The following SLC36A1 variants were observed in gnomAD, a reference collection of about 807,000 sequenced individuals.
SLC36A1 encodes the protein solute carrier family 36 member 1.
Under a neutral mutation model 47.5 loss-of-function variants are expected in SLC36A1, and 30 were observed. That is an observed-to-expected ratio of 0.63 (90% CI 0.47 to 0.86). The LOEUF (loss-of-function observed/expected upper bound fraction) is 0.86, where lower values mean the gene tolerates loss of function less well. SLC36A1 is among the 40% of genes least tolerant of loss of function. SLC36A1 has a pLI of 0.00. For missense variants in SLC36A1, 517 were observed against 606.0 expected (o/e 0.85, Z 1.54); for synonymous variants, 255 against 249.7 (o/e 1.02, Z -0.20).
chr5:151,521,864 G>C, the SLC36A1 span: 1 of 1,614,198 alleles, frequency 6.2e-7, no homozygotes. Context: ...ACTGAGAAGT[G>C]CCTGCCCAGG....
intron 9 of SLC36A1, among the ~76,000 whole-genome samples, chr5:151,478,743 C>T (rs1179065641): frequency 6.6e-6 from 1 of 152,132 alleles, no homozygotes; most frequent in African/African-American, 2.4e-5. Context: ...ACCATATTCC[C>T]AGTTTCTTTT....
the SLC36A1 span, chr5:151,549,607 C>A: frequency 1.2e-6 from 1 of 844,970 alleles, no homozygotes; most frequent in Non-Finnish European, 1.9e-6. Flanking sequence ...AAAATATGCC[C>A]AATTGTAACT....
chr5:151,446,455 A>G (rs1752925197), upstream of SLC36A1, among the ~76,000 whole-genome samples: 1 of 152,130 alleles, frequency 6.6e-6, no homozygotes, highest in Non-Finnish European at 1.5e-5. Context: ...GCTTGAATCC[A>G]GGAGGCAGAG....
At chr5:151,548,487 A>C in the SLC36A1 span, among the ~76,000 whole-genome samples, 44 of 151,962 alleles carry the variant, frequency 2.9e-4, no homozygotes, top group Non-Finnish European at 1.5e-5. Context: ...ATTAACATAC[A>C]TTTTCTTTTT....
At chr5:151,373,975 G>T in the SLC36A1 span, among the ~76,000 whole-genome samples, 1 of 152,134 alleles carries the variant, frequency 6.6e-6, no homozygotes, top group East Asian at 1.9e-4. Flanking sequence ...CCTATGGGCT[G>T]GTGTGTATGT....
the SLC36A1 span, chr5:151,509,998 C>T: frequency 6.2e-7 from 1 of 1,610,300 alleles, no homozygotes; most frequent in Non-Finnish European, 8.5e-7. Context: ...GAGCCCATGG[C>T]AGGTGGCCTC....
At chr5:151,475,163 G>A (rs2127521441) in intron 8 of SLC36A1, among the ~76,000 whole-genome samples, 1 of 152,342 alleles carries the variant, frequency 6.6e-6, no homozygotes, top group South Asian at 2.1e-4. Flanking sequence ...AGAGGCCTGA[G>A]TGGGCCCATA....
chr5:151,539,806 A>T, the SLC36A1 span, among the ~76,000 whole-genome samples: 1 of 152,218 alleles, frequency 6.6e-6, no homozygotes, highest in African/African-American at 2.4e-5. Flanking sequence ...ACACACATAC[A>T]CACCCCACTC....
At chr5:151,378,303 G>C in the SLC36A1 span, 1 of 207,684 alleles carries the variant, frequency 4.8e-6, no homozygotes, top group African/African-American at 2.3e-5. Flanking sequence ...ATGGCATTCA[G>C]AGTAAAGTCT....
chr5:151,502,903 C>T, the SLC36A1 span, among the ~76,000 whole-genome samples: 5 of 147,990 alleles, frequency 3.4e-5, no homozygotes, highest in Admixed American at 2.0e-4. Context: ...GAGTATTATT[C>T]GGCACTACAA....
At chr5:151,485,474 G>C (rs1249497727) in intron 10 of SLC36A1, among the ~76,000 whole-genome samples, 1 of 152,142 alleles carries the variant, frequency 6.6e-6, no homozygotes, top group Non-Finnish European at 1.5e-5. Flanking sequence ...GTGCATCCCT[G>C]TGAAAGCTAG....
At chr5:151,392,262 T>C in the SLC36A1 span, among the ~76,000 whole-genome samples, 3 of 152,218 alleles carry the variant, frequency 2.0e-5, no homozygotes, top group Non-Finnish European at 4.4e-5. Context: ...CTTTATCATT[T>C]TTTATTGCAT....
Position 151,465,614 on chromosome 5 carries a change from C to T in SLC36A1, c.419+445C>T, listed in dbSNP as rs75201078. Among the ~76,000 whole-genome samples, 524 of 152,106 alleles carry T rather than the reference C, an allele frequency of 3.4e-3. 17 individuals carry two copies. Among genetic ancestry groups the T allele is most frequent in the East Asian group, 0.026 (135 of 5,164 alleles). On this transcript the variant is annotated intron_variant, in intron 5 of 10. Transcript: ENST00000243389. ...GAAAAAGAAATGTGGGAAGAGAAGC[C>T]GGGGAACAAGATAAGAGACCAGTAG...
rs541893063 is a variant in SLC36A1, at chr5:151,478,213, C to T, written c.990-1107C>T. Among the ~76,000 whole-genome samples, 11 of 152,296 alleles carry T rather than the reference C, an allele frequency of 7.2e-5. No individual in the cohort carries two copies. The South Asian group carries it at 1.9e-3, about 26-fold the overall frequency. On this transcript the variant is annotated intron_variant, in intron 9 of 10. Coordinates refer to ENST00000243389, the MANE Select transcript of SLC36A1 (RefSeq NM_078483.4). ...CACATATACACAGTCTGTATTAGCA[C>T]ATTTAAATAGATTTCCGACAAGGGA...
chr5:151,393,955 G>T, the SLC36A1 span, among the ~76,000 whole-genome samples: 1 of 130,450 alleles, frequency 7.7e-6, no homozygotes, highest in Non-Finnish European at 1.6e-5. Context: ...GGCCTGCCTT[G>T]CTAGGTTGGG....
chr5:151,413,584 C>G, the SLC36A1 span, among the ~76,000 whole-genome samples: 3 of 152,008 alleles, frequency 2.0e-5, no homozygotes, highest in Admixed American at 2.0e-4. Context: ...CCTCATTTTA[C>G]TGATGGTCAC....
chr5:151,455,442 T>A (rs1428250838), intron 1 of SLC36A1, among the ~76,000 whole-genome samples: 1 of 152,210 alleles, frequency 6.6e-6, no homozygotes, highest in Non-Finnish European at 1.5e-5. Flanking sequence ...AGCTTCTTGT[T>A]GAGAAGTTTT....
At chr5:151,426,142 TGTTG>T in the SLC36A1 span, among the ~76,000 whole-genome samples, 7 of 152,246 alleles carry the variant, frequency 4.6e-5, no homozygotes, top group African/African-American at 1.7e-4. Context: ...CATGCTATTC[TGTTG>T]GTTGTGTCTG....
intron 7 of SLC36A1, chr5:151,470,711 T>G (rs903554103): frequency 2.0e-5 from 3 of 152,474 alleles, no homozygotes; most frequent in African/African-American, 7.2e-5. Flanking sequence ...TGTTCTGTTT[T>G]GGCATTGTGC....
Sources: gnomAD v4.1 joint callset for allele counts (sites outside exome capture counted in the v4.1 genomes callset) on GRCh38, gnomAD v4.1.1 for gene constraint, MANE v1.5 for transcripts, NCBI Gene and HGNC (gene_info 2026-07-23, HGNC 2026-07-21) for gene names.